Variants in PCDHGA12 observed in about 807,000 individuals in gnomAD.
PCDHGA12 encodes protocadherin gamma subfamily A, 12.
Under a neutral mutation model 61.1 loss-of-function variants are expected in PCDHGA12, and 43 were observed. That is an observed-to-expected ratio of 0.70 (90% CI 0.55 to 0.91). The LOEUF (loss-of-function observed/expected upper bound fraction) is 0.91. Ranked by LOEUF, PCDHGA12 falls within the 40% of genes least tolerant of loss-of-function variation. The pLI, the probability that PCDHGA12 is intolerant of heterozygous loss-of-function variation, is 0.00. For missense variants in PCDHGA12, 1,236 were observed against 1,227.7 expected, an observed-to-expected ratio of 1.01 and a Z score of -0.10; for synonymous variants, 520 against 542.9, an observed-to-expected ratio of 0.96 and a Z score of 0.59.
chr5:141,482,503 C>A (rs375429072), intron 1 of PCDHGA12, among the ~76,000 whole-genome samples: 2 of 136,154 alleles, frequency 1.5e-5, no homozygotes, highest in South Asian at 4.4e-4. Context: ...CATTCTGGTA[C>A]CCAGAGTACA....
chr5:141,439,618 C>T (rs964445098), intron 1 of PCDHGA12, among the ~76,000 whole-genome samples: 2 of 152,178 alleles, frequency 1.3e-5, no homozygotes, highest in East Asian at 3.8e-4. Context: ...GATAAATGAG[C>T]CAATCCCCAG....
In PCDHGA12 at chr5:141,487,046, G is replaced by A; in HGVS notation, c.2425-7761G>A. ...CAGCCTGTTTGCAGTCTCTCGATATGCTGGGGAGGTGCGGACGGCTGTTCC... is the reference window on the plus strand; with the variant it reads ...CAGCCTGTTTGCAGTCTCTCGATATACTGGGGAGGTGCGGACGGCTGTTCC... On this transcript the variant is annotated intron_variant, in intron 1 of 3. Coordinates refer to ENST00000252085, the MANE Select transcript of PCDHGA12 (RefSeq NM_003735.3). The surrounding 1 kb of genome is among the most constrained non-coding windows in gnomAD (Gnocchi z 5.0). 6.2e-7 allele frequency: 1 copy of A among 1,614,192 alleles called. No individual in the cohort carries two copies. Among genetic ancestry groups the A allele is most frequent in the Non-Finnish European group, 8.5e-7 (1 of 1,180,040 alleles).
chr5:141,510,795 G>T (rs994874330), intron 3 of PCDHGA12, 152 bp from the exon 4 acceptor site: 6 of 1,465,214 alleles, frequency 4.1e-6, no homozygotes. Flanking sequence ...CTTGTGAAGA[G>T]AGACTACCTT....
At chr5:141,458,727 A>G (rs1424554234) in intron 1 of PCDHGA12, among the ~76,000 whole-genome samples, 1 of 151,570 alleles carries the variant, frequency 6.6e-6, no homozygotes, top group East Asian at 1.9e-4. Flanking sequence ...TCGCCACCAC[A>G]TCCAGCTATT....
chr5:141,507,754 C>T (rs1488474557), intron 3 of PCDHGA12, among the ~76,000 whole-genome samples: 7 of 152,242 alleles, frequency 4.6e-5, no homozygotes, highest in Admixed American at 2.0e-4. Flanking sequence ...GTCAAGGCCT[C>T]CCACCTTTGG....
chr5:141,498,684 C>T (rs1255085852), intron 2 of PCDHGA12, among the ~76,000 whole-genome samples: 1 of 152,192 alleles, frequency 6.6e-6, no homozygotes, highest in South Asian at 2.1e-4. Flanking sequence ...GTAATCCCAG[C>T]ACTTTGGGAG....
At chr5:141,479,186 T>A (rs956575218) in intron 1 of PCDHGA12, 1 of 152,590 alleles carries the variant, frequency 6.6e-6, no homozygotes, top group Non-Finnish European at 1.5e-5. Flanking sequence ...GCTAGAAAAT[T>A]CAGAAAATAC....
intron 3 of PCDHGA12, among the ~76,000 whole-genome samples, chr5:141,510,566 A>G (rs2154594633): frequency 6.6e-6 from 1 of 152,288 alleles, no homozygotes; most frequent in South Asian, 2.1e-4. Flanking sequence ...TACATCTACC[A>G]GGCACTATTT....
chr5:141,441,861 C>T (rs3805696), intron 1 of PCDHGA12: 35,405 of 342,650 alleles, frequency 0.1, 2,215 homozygotes, highest in African/African-American at 0.17. Context: ...TGCTGCACGC[C>T]GCGGAGCCTG....
chr5:141,434,474 A>G (rs979175338), intron 1 of PCDHGA12, among the ~76,000 whole-genome samples: 2 of 152,222 alleles, frequency 1.3e-5, no homozygotes, highest in Non-Finnish European at 2.9e-5. Context: ...GAATGAGGGC[A>G]AGGAACACCT....
Position 141,476,977 on chromosome 5 carries a change from C to A in PCDHGA12, c.2425-17830C>A, listed in dbSNP as rs141692339. On this transcript the variant is annotated intron_variant, in intron 1 of 3. Coordinates refer to ENST00000252085, the MANE Select transcript of PCDHGA12 (RefSeq NM_003735.3). The surrounding 1 kb of genome is among the most constrained non-coding windows in gnomAD (Gnocchi z 7.6). The stretch of plus-strand genomic sequence containing the variant: ...TTATTTACTCCTTCGGCAGCCACAA[C>A]CGCGCCGGCGTGCGGCAACTATTCG... 6.2e-7 allele frequency: 1 copy of A among 1,614,232 alleles called. No individual in the cohort carries two copies. The highest frequency in any genetic ancestry group is 8.5e-7 in the Non-Finnish European group (1 of 1,180,040).
Position 141,477,029 on chromosome 5 carries a change from A to T in PCDHGA12, c.2425-17778A>T, listed in dbSNP as rs754045855. ...CTTAGACCTTGTAACCGGGATGCTG[A>T]CAATCAAGGGTCGGCTGGACTTCGA... On this transcript the variant is annotated intron_variant, in intron 1 of 3. Transcript: ENST00000252085. This position sits in a 1 kb window ranked among gnomAD's most constrained non-coding sequence, Gnocchi z 4.9. 2 of 1,614,238 alleles carry T rather than the reference A, an allele frequency of 1.2e-6. No homozygotes were observed. The highest frequency in any genetic ancestry group is 3.3e-5 in the Admixed American group (2 of 60,028).
At chr5:141,494,362 A>T (rs527454959) in intron 1 of PCDHGA12, among the ~76,000 whole-genome samples, 47 of 152,300 alleles carry the variant, frequency 3.1e-4, no homozygotes, top group Admixed American at 8.5e-4. Context: ...GCTGCAGAGG[A>T]TGCTTTGTTC....
rs1594492695 is a variant in PCDHGA12 at position 141,485,536 on chromosome 5, A to G, written c.2425-9271A>G. On this transcript the variant is annotated intron_variant, in intron 1 of 3. Transcript: ENST00000252085. The surrounding 1 kb of genome is among the most constrained non-coding windows in gnomAD (Gnocchi z 5.7). ...CTTTGGAAATGTACCGAGCAGAGGTAGAGATCGTAGATGTGAATGATCACG... is the reference window on the plus strand; with the variant it reads ...CTTTGGAAATGTACCGAGCAGAGGTGGAGATCGTAGATGTGAATGATCACG... 3 of 1,613,976 alleles carry G rather than the reference A, an allele frequency of 1.9e-6. No homozygotes were observed. The highest frequency in any genetic ancestry group is 2.5e-6 in the Non-Finnish European group (3 of 1,179,946).
At position 141,431,276 on chromosome 5, in the gene PCDHGA12, A is replaced by T; in HGVS notation, c.517A>T (p.Ser173Cys). 6.2e-7 allele frequency: 1 copy of T among 1,614,176 alleles called. No individual in the cohort carries two copies. Among genetic ancestry groups the T allele is most frequent in the South Asian group, 1.1e-5 (1 of 91,084 alleles). ...GAACTCTCTGCAGAGCTACGAGCTC[A>T]GCCCGAACACTCACTTCTCCCTCAT... is the stretch of plus-strand genomic sequence containing the variant. ...GKNSLQSYEL[S>C]PNTHFSLIVQ... is the part of the protein sequence containing the mutation. Residue 173 changes from serine to cysteine, a missense_variant, in exon 1 of 4, where the codon AGC (serine) becomes TGC (cysteine). Physicochemically the swap from Ser to Cys is moderately radical, Grantham distance 112. Transcript: ENST00000252085. The surrounding 1 kb of genome is among the most constrained non-coding windows in gnomAD (Gnocchi z 4.8).
At chr5:141,460,909 G>A (rs1473458228) in intron 1 of PCDHGA12, among the ~76,000 whole-genome samples, 4 of 123,246 alleles carry the variant, frequency 3.2e-5, no homozygotes, top group Non-Finnish European at 6.6e-5. Context: ...AATATTCCAT[G>A]GTGTATATAT....
chr5:141,494,428 G>A (rs1476469017), intron 1 of PCDHGA12, among the ~76,000 whole-genome samples: 1 of 152,148 alleles, frequency 6.6e-6, no homozygotes, highest in African/African-American at 2.4e-5. Flanking sequence ...TCATTGAAAA[G>A]CCTCCTTTGC....
chr5:141,464,377 T>A (rs1410334231), intron 1 of PCDHGA12, among the ~76,000 whole-genome samples: 3 of 151,486 alleles, frequency 2.0e-5, no homozygotes, highest in Admixed American at 2.0e-4. Flanking sequence ...TTTTGCAATA[T>A]AAAAAATGCT....
At chr5:141,483,772 G>C (rs2099586910) in intron 1 of PCDHGA12, among the ~76,000 whole-genome samples, 1 of 152,140 alleles carries the variant, frequency 6.6e-6, no homozygotes, top group Non-Finnish European at 1.5e-5. Flanking sequence ...AAAAATATTG[G>C]GGAAGGATAA....
Sources: gnomAD v4.1 joint callset for allele counts (sites outside exome capture counted in the v4.1 genomes callset) on GRCh38, gnomAD v4.1.1 for gene constraint, Gnocchi (gnomAD v3.1) non-coding constraint, MANE v1.5 for transcripts, NCBI Gene and HGNC (gene_info 2026-07-23, HGNC 2026-07-21) for gene names.